Variants in WWOX observed in about 807,000 individuals in gnomAD.
WWOX encodes WW domain-containing oxidoreductase.
A neutral mutation model predicts 46.2 loss-of-function variants in WWOX; 69 were observed. The observed-to-expected ratio is 1.49, with a 90% CI of 1.23 to 1.82. The LOEUF (loss-of-function observed/expected upper bound fraction) is 1.82. WWOX is among the 40% of genes most tolerant of loss of function. WWOX has a pLI of 0.00. For synonymous variants in WWOX, 359 were observed against 202.6 expected (o/e 1.77, Z -6.56); for missense variants, 919 against 542.6 (o/e 1.69, Z -6.89).
At chr16:78,588,062 T>G (rs2045261081) in intron 8 of WWOX, among the ~76,000 whole-genome samples, 1 of 152,192 alleles carries the variant, frequency 6.6e-6, no homozygotes, top group African/African-American at 2.4e-5. Flanking sequence ...CCCTGGGTGG[T>G]GGTCACAGCC....
intron 8 of WWOX, among the ~76,000 whole-genome samples, chr16:79,075,138 A>T (rs1024030108): frequency 6.6e-6 from 1 of 152,210 alleles, no homozygotes; most frequent in African/African-American, 2.4e-5. Context: ...CACTTGGAAG[A>T]TTACAACCAA....
chr16:79,080,396 C>G (rs1263112547), intron 8 of WWOX, among the ~76,000 whole-genome samples: 1 of 152,168 alleles, frequency 6.6e-6, no homozygotes, highest in East Asian at 1.9e-4. Context: ...ATAGTCACAA[C>G]CATACCTAGA....
chr16:78,543,001 G>A (rs533048803), intron 8 of WWOX, among the ~76,000 whole-genome samples: 4 of 152,342 alleles, frequency 2.6e-5, no homozygotes, highest in African/African-American at 9.6e-5. Context: ...GTCTACCTGT[G>A]TGACTGTGTA....
rs11309867 is a variant in WWOX, at chr16:78,778,044, G to GA, written c.1056+345312dup. On this transcript the variant is annotated intron_variant, in intron 8 of 8. Transcript: ENST00000566780. ...TGGGTGACAGAGTGAGACTCCATCT[G>GA]AAAAAAAAAAAAAAAAAAAAGACAT... Among the ~76,000 whole-genome samples the GA allele has an allele frequency of 8.0e-4, 80 of 99,708 alleles. 2 individuals carry two copies. Among genetic ancestry groups the GA allele is most frequent in the Middle Eastern group, 4.7e-3 (1 of 212 alleles). 65.4% of individuals were successfully genotyped at this position (99,708 alleles called of 152,430 possible). A position where few individuals can be genotyped will look rare whatever the true frequency, so the allele number is the denominator to read the frequency against.
chr16:78,384,627 C>T (rs964586055), intron 5 of WWOX, among the ~76,000 whole-genome samples: 2 of 152,052 alleles, frequency 1.3e-5, no homozygotes, highest in Non-Finnish European at 2.9e-5. Context: ...ATTTCCTGAA[C>T]GTAGGAAACT....
chr16:78,507,506 G>A (rs191369413), intron 8 of WWOX, among the ~76,000 whole-genome samples: 17 of 152,274 alleles, frequency 1.1e-4, no homozygotes, highest in African/African-American at 4.1e-4. Context: ...AAAGCTGCCT[G>A]TGTTTTTATG....
intron 8 of WWOX, among the ~76,000 whole-genome samples, chr16:79,031,203 G>A (rs2047746710): frequency 6.6e-6 from 1 of 152,100 alleles, no homozygotes; most frequent in South Asian, 2.1e-4. Context: ...TCTTGAGGGT[G>A]TTTAGGGATT....
intron 8 of WWOX, among the ~76,000 whole-genome samples, chr16:78,704,679 C>G (rs959837535): frequency 6.6e-6 from 1 of 152,124 alleles, no homozygotes; most frequent in South Asian, 2.1e-4. Context: ...ATGATTATGA[C>G]ATGTTAAAAC....
At chr16:78,802,737 G>A in intron 8 of WWOX, among the ~76,000 whole-genome samples, 1 of 151,372 alleles carries the variant, frequency 6.6e-6, no homozygotes, top group Non-Finnish European at 1.5e-5. Context: ...GCAATATGGT[G>A]AAGCCCCGTC....
chr16:78,176,232 AT>A (rs1291505628), intron 5 of WWOX, among the ~76,000 whole-genome samples: 1 of 152,108 alleles, frequency 6.6e-6, no homozygotes. Flanking sequence ...TAAATAATAA[AT>A]CCAAAGTTAT....
Position 78,804,182 on chromosome 16 carries a change from G to T in WWOX, c.1056+371430G>T, listed in dbSNP as rs554225322. ...TTTAATAAGGGCTGGGGGTCCTCTT[G>T]AAGAGCCCAGGAACTGCAGTCCCTC... On this transcript the variant is annotated intron_variant, in intron 8 of 8. Coordinates refer to ENST00000566780, the MANE Select transcript of WWOX (RefSeq NM_016373.4). Among the ~76,000 whole-genome samples, 4 of 152,182 alleles carry T rather than the reference G, an allele frequency of 2.6e-5. No individual in the cohort carries two copies. The South Asian group carries it at 6.2e-4, about 24-fold the overall frequency.
intron 8 of WWOX, among the ~76,000 whole-genome samples, chr16:78,912,052 C>T (rs1260082352): frequency 3.3e-5 from 5 of 152,022 alleles, no homozygotes; most frequent in Non-Finnish European, 7.4e-5. Flanking sequence ...TACCTAGGTT[C>T]TGAGTCCAAT....
intron 6 of WWOX, among the ~76,000 whole-genome samples, chr16:78,399,573 G>A (rs1485167435): frequency 6.6e-6 from 1 of 152,152 alleles, no homozygotes; most frequent in African/African-American, 2.4e-5. Context: ...TTGACCTGCA[G>A]TGAGACCACC....
chr16:78,587,473 C>G (rs1418523413), intron 8 of WWOX, among the ~76,000 whole-genome samples: 4 of 152,124 alleles, frequency 2.6e-5, no homozygotes, highest in Non-Finnish European at 4.4e-5. Context: ...ATAATTGATT[C>G]CAAACGTGCA....
intron 8 of WWOX, among the ~76,000 whole-genome samples, chr16:79,198,665 A>C (rs138903768): frequency 1.3e-5 from 2 of 152,344 alleles, no homozygotes; most frequent in African/African-American, 4.8e-5. Flanking sequence ...ACACAGGTCC[A>C]AATTTCCCCA....
chr16:78,765,458 C>T (rs527789415), intron 8 of WWOX, among the ~76,000 whole-genome samples: 1 of 152,198 alleles, frequency 6.6e-6, no homozygotes. Flanking sequence ...GCGGGTGGAC[C>T]ACCTGAGGTC....
At chr16:79,094,985 A>G (rs1293938108) in intron 8 of WWOX, among the ~76,000 whole-genome samples, 1 of 152,054 alleles carries the variant, frequency 6.6e-6, no homozygotes, top group Non-Finnish European at 1.5e-5. Context: ...GGCACACAGG[A>G]GGGGCGACAT....
At chr16:78,848,297 G>A (rs1050809346) in intron 8 of WWOX, among the ~76,000 whole-genome samples, 1 of 150,430 alleles carries the variant, frequency 6.6e-6, no homozygotes, top group African/African-American at 2.4e-5. Flanking sequence ...TGTTGTTAAT[G>A]TTGAAAAAAT....
At chr16:79,205,659 A>C (rs187882158) in intron 8 of WWOX, 1 of 152,340 alleles carries the variant, frequency 6.6e-6, no homozygotes, top group African/African-American at 2.4e-5. Context: ...TGAGTTAGCA[A>C]AACTCCCAAA....
Sources: allele counts gnomAD v4.1 joint callset (sites outside exome capture counted in the v4.1 genomes callset), GRCh38; gene constraint gnomAD v4.1.1; transcripts MANE v1.5; gene names NCBI Gene and HGNC (gene_info 2026-07-23, HGNC 2026-07-21).